Variants in MALRD1 observed in about 807,000 individuals in gnomAD.
The protein encoded by MALRD1 is MAM and LDL-receptor class A domain-containing protein 1.
A neutral mutation model predicts 242.1 loss-of-function variants in MALRD1; 247 were observed. The observed-to-expected ratio is 1.02, with a 90% CI of 0.92 to 1.13. MALRD1 has a LOEUF of 1.13. Ranked by LOEUF, MALRD1 falls within the 50% of genes most tolerant of loss-of-function variation. The probability of loss-of-function intolerance (pLI) is 0.00; values close to 1 mark genes in which losing one functional copy is unlikely to be tolerated. For missense variants in MALRD1, 2,989 were observed against 2,533.1 expected, an observed-to-expected ratio of 1.18 and a Z score of -3.86; for synonymous variants, 995 against 866.6, an observed-to-expected ratio of 1.15 and a Z score of -2.60.
intron 30 of MALRD1, among the ~76,000 whole-genome samples, chr10:19,496,193 C>T (rs183699926): frequency 1.3e-5 from 2 of 152,226 alleles, no homozygotes. Flanking sequence ...ATATTCAGGA[C>T]CTGAACTCAA....
intron 28 of MALRD1, among the ~76,000 whole-genome samples, chr10:19,393,532 G>T (rs908243859): frequency 1.5e-5 from 2 of 137,574 alleles, no homozygotes; most frequent in Non-Finnish European, 3.1e-5. Context: ...TGCAAGCTCC[G>T]TCTCCCGGGT....
At chr10:19,293,128 G>A (rs1841529100) in intron 21 of MALRD1, among the ~76,000 whole-genome samples, 1 of 152,104 alleles carries the variant, frequency 6.6e-6, no homozygotes, top group Admixed American at 6.6e-5. Context: ...GGCCAGTTTA[G>A]AAGCCATAAC....
rs1367144128 is a variant in MALRD1, at chr10:19,352,871, A to G, written c.4441+574A>G. Among the ~76,000 whole-genome samples, 5 of 152,200 alleles carry G rather than the reference A, an allele frequency of 3.3e-5. No individual in the cohort carries two copies. In the East Asian group the frequency reaches 9.6e-4, roughly 29 times the overall value. ...ATAATTCCTACAGATACAATGTTGTAAGTAGTAGAATTAGCAAGCACCATT... is the reference window on the plus strand; with the variant it reads ...ATAATTCCTACAGATACAATGTTGTGAGTAGTAGAATTAGCAAGCACCATT... On this transcript the variant is annotated intron_variant, in intron 26 of 39. Transcript: ENST00000454679.
At chr10:19,281,622 C>T (rs1163864537) in intron 20 of MALRD1, among the ~76,000 whole-genome samples, 1 of 152,080 alleles carries the variant, frequency 6.6e-6, no homozygotes, top group African/African-American at 2.4e-5. Flanking sequence ...AATAGTATGA[C>T]AAATCTGCTT....
chr10:19,180,744 T>C (rs1835468415), intron 14 of MALRD1, among the ~76,000 whole-genome samples: 1 of 152,188 alleles, frequency 6.6e-6, no homozygotes, highest in Non-Finnish European at 1.5e-5. Context: ...AAAAGGCTTC[T>C]GCACAGTAAA....
chr10:19,295,617 A>G (rs1377954262), intron 21 of MALRD1, among the ~76,000 whole-genome samples: 1 of 152,098 alleles, frequency 6.6e-6, no homozygotes, highest in Admixed American at 6.6e-5. Context: ...AATTAATTGA[A>G]GTAATTGAAC....
intron 32 of MALRD1, among the ~76,000 whole-genome samples, chr10:19,550,860 C>T (rs1835442499): frequency 6.6e-6 from 1 of 152,134 alleles, no homozygotes; most frequent in African/African-American, 2.4e-5. Context: ...GCGGTATATA[C>T]CCCATAATGG....
chr10:19,507,618 A>G (rs1241904956), intron 31 of MALRD1, among the ~76,000 whole-genome samples: 2 of 152,196 alleles, frequency 1.3e-5, no homozygotes, highest in African/African-American at 2.4e-5. Context: ...TAAACAATAC[A>G]TTGGAATTTA....
intron 32 of MALRD1, among the ~76,000 whole-genome samples, chr10:19,558,929 A>C (rs1387531018): frequency 6.6e-6 from 1 of 152,054 alleles, no homozygotes. Context: ...CACACCTGTA[A>C]TCCCAGCACT....
chr10:19,504,664 A>T (rs868764891), intron 31 of MALRD1, among the ~76,000 whole-genome samples: 1,444 of 97,560 alleles, frequency 0.015, 18 homozygotes, highest in Middle Eastern at 0.038. Flanking sequence ...ATTGTAACAC[A>T]TTTTTTTTTT....
At chr10:19,692,867 T>TTATATATATATATATATATATATATATA (rs1254775928) in intron 38 of MALRD1, among the ~76,000 whole-genome samples, 47 of 29,610 alleles carry the variant, frequency 1.6e-3, no homozygotes, top group Admixed American at 4.7e-3. Flanking sequence ...ATAGATGAAA[T>TTATATATATATATATATATATATATATA]TATATATATA....
chr10:19,472,842 GTTTT>G (rs893848398), intron 29 of MALRD1, among the ~76,000 whole-genome samples: 2 of 150,594 alleles, frequency 1.3e-5, no homozygotes, highest in South Asian at 2.1e-4. Flanking sequence ...CAAACTTGTA[GTTTT>G]TTTATCTTTT....
chr10:19,321,496 A>G (rs553386084), intron 21 of MALRD1, among the ~76,000 whole-genome samples: 3 of 152,270 alleles, frequency 2.0e-5, no homozygotes, highest in East Asian at 1.9e-4. Flanking sequence ...CTATGTTTTA[A>G]TTGATGCATG....
intron 25 of MALRD1, among the ~76,000 whole-genome samples, chr10:19,348,319 C>A (rs1024829525): frequency 2.6e-5 from 4 of 152,050 alleles, no homozygotes; most frequent in African/African-American, 4.8e-5. Flanking sequence ...AGTAAGATAT[C>A]AGTTGTTTTC....
At chr10:19,640,601 A>G (rs993864231) in intron 36 of MALRD1, among the ~76,000 whole-genome samples, 2 of 152,178 alleles carry the variant, frequency 1.3e-5, no homozygotes, top group Admixed American at 1.3e-4. Flanking sequence ...GTTCTATATA[A>G]GATATTTTAT....
chr10:19,505,503 G>T lies in MALRD1; in HGVS notation c.5320+6857G>T, dbSNP rs1833081359. ...CAAGCCAAGGAAAGAGGCCTCAGGA[G>T]AAATCAGATCTCCTGGCACCTTGGT... On this transcript the variant is annotated intron_variant, in intron 31 of 39. Coordinates refer to ENST00000454679, the MANE Select transcript of MALRD1 (RefSeq NM_001142308.3). 2.0e-5 allele frequency among the ~76,000 whole-genome samples: 3 copies of T among 152,206 alleles called. No homozygotes were observed. The South Asian group carries it at 6.2e-4, about 32-fold the overall frequency.
chr10:19,068,708 T>C (rs990113849), intron 2 of MALRD1, among the ~76,000 whole-genome samples: 7 of 152,160 alleles, frequency 4.6e-5, no homozygotes, highest in Non-Finnish European at 1.0e-4. Context: ...TGTTGGAACA[T>C]ATTTATAGAA....
chr10:19,165,678 A>T lies in MALRD1; in HGVS notation c.1698A>T (p.Ser566=), dbSNP rs1834658179. Residue 566 remains serine (S), a synonymous_variant, in exon 13 of 40, where the codon TCA becomes TCT. Coordinates refer to ENST00000454679, the MANE Select transcript of MALRD1 (RefSeq NM_001142308.3). The part of the protein sequence containing the change: ...WYHLSQHSNL[S]VFTRTSLDGN... Reference sequence around the variant, plus strand: ...ATTTGTCTCAACATTCAAATCTCTCAGTTTTTACAAGAACGTCTCTAGATG... The same window carrying T: ...ATTTGTCTCAACATTCAAATCTCTCTGTTTTTACAAGAACGTCTCTAGATG... 2.4e-6 allele frequency: 3 copies of T among 1,231,534 alleles called. No homozygotes were observed. Among genetic ancestry groups the T allele is most frequent in the Non-Finnish European group, 3.0e-6 (3 of 987,934 alleles). The allele number at this position is 1,231,534 out of a possible 1,614,324, so 76.3% of individuals were successfully genotyped here.
rs936062849 is a variant in MALRD1, at chr10:19,550,802, A to G, written c.5479-16700A>G. On this transcript the variant is annotated intron_variant, in intron 32 of 39. Transcript: ENST00000454679. ...TACCATTAATAGTGCTGCAATGAAC[A>G]TACATACCTATGTGTATGTCTTTAT... Among the ~76,000 whole-genome samples, 5 of 152,326 alleles carry G rather than the reference A, an allele frequency of 3.3e-5. No homozygotes were observed. In the East Asian group the frequency reaches 9.6e-4, roughly 29 times the overall value.
Sources: gnomAD v4.1 joint callset for allele counts (sites outside exome capture counted in the v4.1 genomes callset) on GRCh38, gnomAD v4.1.1 for gene constraint, MANE v1.5 for transcripts, NCBI Gene and HGNC (gene_info 2026-07-23, HGNC 2026-07-21) for gene names.